The following PIK3CA variants were observed in gnomAD, a reference collection of about 807,000 sequenced individuals.
PIK3CA encodes the protein phosphatidylinositol-4,5-bisphosphate 3-kinase catalytic subunit alpha.
In PIK3CA, 27 loss-of-function variants were observed where a neutral mutation model predicts 138.2. The observed-to-expected ratio is 0.20, with a 90% CI of 0.14 to 0.27. The LOEUF (loss-of-function observed/expected upper bound fraction) is 0.27, where lower values mean the gene tolerates loss of function less well. Among genes scored for constraint, PIK3CA ranks in the 10% least tolerant of loss-of-function variants. PIK3CA has a pLI of 1.00. For missense variants in PIK3CA, 544 were observed against 1,277.4 expected (o/e 0.43, Z 8.75); for synonymous variants, 358 against 413.2 (o/e 0.87, Z 1.62).
In PIK3CA at chr3:179,200,904, C is replaced by T. The variant is rs549737867; in HGVS notation, c.563-386C>T. Among the ~76,000 whole-genome samples the T allele has an allele frequency of 2.9e-4, 44 of 152,244 alleles. 2 individuals are homozygous for T. Among genetic ancestry groups the T allele is most frequent in the South Asian group, 1.4e-3 (7 of 4,828 alleles). On this transcript the variant is annotated intron_variant, in intron 3 of 20. Coordinates refer to ENST00000263967, the MANE Select transcript of PIK3CA (RefSeq NM_006218.4). ...GAACATCTTTAAACCTCCATTGGTT[C>T]TTTCTTTACTTCCCATAGTTACCAA... is the stretch of plus-strand genomic sequence containing the variant.
At position 179,229,404 on chromosome 3, in the gene PIK3CA, A is replaced by G. The variant is rs1396835179; in HGVS notation, c.2628A>G (p.Thr876=). 1.9e-6 allele frequency: 3 copies of G among 1,612,970 alleles called. No homozygotes were observed. The highest frequency in any genetic ancestry group is 2.5e-6 in the Non-Finnish European group (3 of 1,179,522). Residue 876 remains threonine (T), a synonymous_variant, in exon 18 of 21, where the codon ACA becomes ACG. Coordinates refer to ENST00000263967, the MANE Select transcript of PIK3CA (RefSeq NM_006218.4). ...GTGCACTGCAGTTCAACAGCCACACACTACATCAGTGGCTCAAAGACAAGA... is the reference window on the plus strand; with the variant it reads ...GTGCACTGCAGTTCAACAGCCACACGCTACATCAGTGGCTCAAAGACAAGA... ...LKGALQFNSH[T]LHQWLKDKNK...
At chr3:179,212,351 C>G (rs1724735818) in intron 9 of PIK3CA, among the ~76,000 whole-genome samples, 1 of 145,330 alleles carries the variant, frequency 6.9e-6, no homozygotes, top group Non-Finnish European at 1.5e-5. Flanking sequence ...TGGATCACAC[C>G]TGTAATCCTA....
intron 1 of PIK3CA, among the ~76,000 whole-genome samples, chr3:179,171,189 T>A (rs1396650061): frequency 2.0e-5 from 3 of 152,128 alleles, no homozygotes; most frequent in Admixed American, 6.5e-5. Flanking sequence ...TATTTCTGAG[T>A]AACCCATGGG....
intron 1 of PIK3CA, among the ~76,000 whole-genome samples, chr3:179,193,298 AGCAGAGCCTCTT>A (rs1435997769): frequency 1.3e-5 from 2 of 152,262 alleles, no homozygotes; most frequent in African/African-American, 4.8e-5. Flanking sequence ...AAGGTCATAC[AGCAGAGCCTCTT>A]GTATTATCTT....
At chr3:179,206,532 T>C (rs994260356) in intron 6 of PIK3CA, among the ~76,000 whole-genome samples, 6 of 152,122 alleles carry the variant, frequency 3.9e-5, no homozygotes, top group Admixed American at 1.3e-4. Context: ...TCCAAGGAGT[T>C]CAACAAGCCC....
Position 179,234,618 on chromosome 3 carries a change from A to C in PIK3CA, c.*254A>C, listed in dbSNP as rs201026929. ...AATTTCATGTTATGCCTTAAGTCCA[A>C]AAAGGTAAACTTTGAAGATTGTTTG... On this transcript the variant is annotated 3_prime_UTR_variant, in exon 21 of 21. Transcript: ENST00000263967. The surrounding 1 kb of genome is among the most constrained non-coding windows in gnomAD (Gnocchi z 5.1). 3.1e-6 allele frequency: 1 copy of C among 326,252 alleles called. No homozygotes were observed. Among genetic ancestry groups the C allele is most frequent in the Non-Finnish European group, 5.5e-6 (1 of 180,852 alleles). The allele number at this position is 326,252 out of a possible 1,614,324, so 20.2% of individuals were successfully genotyped here.
chr3:179,187,479 A>G (rs1164097771), intron 1 of PIK3CA, among the ~76,000 whole-genome samples: 3 of 133,758 alleles, frequency 2.2e-5, no homozygotes, highest in South Asian at 2.8e-4. Context: ...TGGAGGTTGC[A>G]GTGAGCCGAG....
intron 14 of PIK3CA, among the ~76,000 whole-genome samples, chr3:179,222,630 C>T (rs1000510506): frequency 6.6e-6 from 1 of 152,128 alleles, no homozygotes; most frequent in Non-Finnish European, 1.5e-5. Context: ...CCACACAGTA[C>T]GCTGTAGACT....
chr3:179,157,526 A>G (rs1184565251), intron 1 of PIK3CA, among the ~76,000 whole-genome samples: 3 of 152,162 alleles, frequency 2.0e-5, no homozygotes, highest in East Asian at 1.9e-4. Flanking sequence ...GAGTAAATCT[A>G]CCAGTGTATA....
At chr3:179,211,814 C>G (rs1035278317) in intron 9 of PIK3CA, among the ~76,000 whole-genome samples, 41 of 152,112 alleles carry the variant, frequency 2.7e-4, no homozygotes, top group Admixed American at 2.6e-3. Flanking sequence ...TACCGTGAAC[C>G]CTGAATAACA....
chr3:179,184,088 C>A (rs995860080), intron 1 of PIK3CA, among the ~76,000 whole-genome samples: 41 of 152,288 alleles, frequency 2.7e-4, no homozygotes, highest in African/African-American at 9.1e-4. Context: ...CCTCCCTGTG[C>A]AAAATTGATA....
intron 5 of PIK3CA, 62 bp from the exon 6 acceptor site, chr3:179,204,441 G>A (rs760159425): frequency 7.1e-5 from 52 of 728,282 alleles, no homozygotes; most frequent in Non-Finnish European, 1.2e-4. Flanking sequence ...TGAGTCTATC[G>A]AGTGTGTGCA....
At chr3:179,161,127 T>G (rs1723268765) in intron 1 of PIK3CA, among the ~76,000 whole-genome samples, 1 of 152,166 alleles carries the variant, frequency 6.6e-6, no homozygotes. Context: ...GGTACACTTC[T>G]CATTACAAGG....
intron 1 of PIK3CA, among the ~76,000 whole-genome samples, chr3:179,197,781 G>A (rs140515347): frequency 2.6e-5 from 4 of 151,906 alleles, no homozygotes; most frequent in African/African-American, 7.2e-5. Context: ...TTACAGTTTC[G>A]CTCACTGAGT....
rs146891612 is a variant in PIK3CA, at chr3:179,160,969, A to G, written c.-77+12366A>G. ...AATGTTACATAGTAGGCAAATTACT[A>G]TTATGGTTCTGATCTAGAATTATAA... is the stretch of plus-strand genomic sequence containing the variant. On this transcript the variant is annotated intron_variant, in intron 1 of 20. Transcript: ENST00000263967. Among the ~76,000 whole-genome samples the G allele has an allele frequency of 4.4e-3, 673 of 152,246 alleles. 3 individuals carry two copies. The highest frequency in any genetic ancestry group is 7.5e-3 in the Non-Finnish European group (508 of 68,008).
At position 179,218,131 on chromosome 3, in the gene PIK3CA, T is replaced by C. The variant is rs1724882755; in HGVS notation, c.1540-79T>C. 9.1e-6 allele frequency: 12 copies of C among 1,312,882 alleles called. No individual in the cohort carries two copies. The South Asian group carries it at 2.4e-4, about 26-fold the overall frequency. 81.3% of individuals were successfully genotyped at this position (1,312,882 alleles called of 1,614,324 possible). On this transcript the variant is annotated intron_variant, in intron 9 of 20. Transcript: ENST00000263967. ...AAAATTTATTGAAAATGTATTTGCTTTTTCTGTAAATCATCTGTGAATCCA... is the reference window on the plus strand; with the variant it reads ...AAAATTTATTGAAAATGTATTTGCTCTTTCTGTAAATCATCTGTGAATCCA...
chr3:179,236,015 G>A lies in PIK3CA; in HGVS notation c.*1651G>A, dbSNP rs925838372. The A allele has an allele frequency of 4.8e-6, 1 of 207,850 alleles. No individual in the cohort carries two copies. The highest frequency in any genetic ancestry group is 2.3e-5 in the African/African-American group (1 of 43,956). The allele number at this position is 207,850 out of a possible 1,614,324, so 12.9% of individuals were successfully genotyped here. On this transcript the variant is annotated 3_prime_UTR_variant, in exon 21 of 21. Transcript: ENST00000263967. ...TGCAATAATTATTGACAGTTTTTTAGATTAGGCATATTATTGGAAAACAAC... is the reference window on the plus strand; with the variant it reads ...TGCAATAATTATTGACAGTTTTTTAAATTAGGCATATTATTGGAAAACAAC...
chr3:179,191,625 GTGTTT>G (rs138129264), intron 1 of PIK3CA, among the ~76,000 whole-genome samples: 2,399 of 152,082 alleles, frequency 0.016, 92 homozygotes, highest in South Asian at 0.13. Context: ...TAAGTATTTG[GTGTTT>G]TGTTTTGTTT....
intron 1 of PIK3CA, among the ~76,000 whole-genome samples, chr3:179,161,194 T>G (rs1253651542): frequency 1.3e-5 from 2 of 152,186 alleles, no homozygotes; most frequent in African/African-American, 4.8e-5. Flanking sequence ...ATTGGGTGTT[T>G]GCACAAAGGG....
Sources: allele counts gnomAD v4.1 joint callset (sites outside exome capture counted in the v4.1 genomes callset), GRCh38; gene constraint gnomAD v4.1.1; non-coding constraint Gnocchi (gnomAD v3.1); transcripts MANE v1.5; gene names NCBI Gene and HGNC (gene_info 2026-07-23, HGNC 2026-07-21).